PLEKHA6: variants seen among roughly 807,000 people sequenced by gnomAD.
PLEKHA6 encodes the protein pleckstrin homology domain containing A6.
Under a neutral mutation model 116.7 loss-of-function variants are expected in PLEKHA6, and 60 were observed. That is an observed-to-expected ratio of 0.51 (90% CI 0.42 to 0.64). The LOEUF (loss-of-function observed/expected upper bound fraction) is 0.64, where lower values mean the gene tolerates loss of function less well. Ranked by LOEUF, PLEKHA6 falls within the 30% of genes least tolerant of loss-of-function variation. The pLI, the probability that PLEKHA6 is intolerant of heterozygous loss-of-function variation, is 0.00. For synonymous variants in PLEKHA6, 489 were observed against 556.1 expected, an observed-to-expected ratio of 0.88 and a Z score of 1.70; for missense variants, 1,338 against 1,422.7, an observed-to-expected ratio of 0.94 and a Z score of 0.96.
intron 1 of PLEKHA6, among the ~76,000 whole-genome samples, chr1:204,354,875 G>A (rs1467589290): frequency 2.0e-5 from 3 of 152,264 alleles, no homozygotes. Context: ...CGGCCGTGCA[G>A]GGGCGCGGAC....
At chr1:204,311,670 C>G (rs1572163514) in intron 1 of PLEKHA6, 3 of 973,026 alleles carry the variant, frequency 3.1e-6, no homozygotes, top group South Asian at 4.8e-5. Flanking sequence ...ATCATCAACT[C>G]TTTGGAACTG....
In PLEKHA6 at chr1:204,259,543, G is replaced by A. The variant is rs759451950; in HGVS notation, c.722C>T (p.Ala241Val). 1 of 1,614,092 alleles carries A rather than the reference G, an allele frequency of 6.2e-7. No individual in the cohort carries two copies. The highest frequency in any genetic ancestry group is 2.2e-5 in the East Asian group (1 of 44,874). ...CGGCTCTGAGGCTGGCTCCGGTCCAGCTGGGAGGCCATTGGCTTTCACCGG... is the reference window on the plus strand; with the variant it reads ...CGGCTCTGAGGCTGGCTCCGGTCCAACTGGGAGGCCATTGGCTTTCACCGG... ...EPPVKANGLP[A>V]GPEPASEPGS... The change falls in exon 8 of 23, where the codon GCT becomes GTT. Residue 241 changes from alanine (A) to valine (V), a missense_variant. Coordinates refer to ENST00000272203, the MANE Select transcript of PLEKHA6 (RefSeq NM_014935.5). This position sits in a 1 kb window ranked among gnomAD's most constrained non-coding sequence, Gnocchi z 4.6.
At chr1:204,326,941 G>T (rs993662047) in intron 1 of PLEKHA6, 10 of 981,360 alleles carry the variant, frequency 1.0e-5, no homozygotes, top group African/African-American at 1.8e-5. Context: ...TGGGGCCTCC[G>T]CACTTAGGCA....
chr1:204,294,882 T>C (rs1489083621), intron 1 of PLEKHA6, among the ~76,000 whole-genome samples: 1 of 152,260 alleles, frequency 6.6e-6, no homozygotes, highest in African/African-American at 2.4e-5. Context: ...TAATCATTAT[T>C]ATCTGTCTGC....
intron 1 of PLEKHA6, among the ~76,000 whole-genome samples, chr1:204,294,490 G>T (rs554341872): frequency 6.6e-6 from 1 of 152,236 alleles, no homozygotes; most frequent in Non-Finnish European, 1.5e-5. Flanking sequence ...GGAAGTGAGA[G>T]AACTGGGATT....
chr1:204,292,510 GTGTCCCTCACCCTGGCTGACGCCCACCTA>G (rs1400454919), intron 1 of PLEKHA6, among the ~76,000 whole-genome samples: 1 of 150,702 alleles, frequency 6.6e-6, no homozygotes, highest in African/African-American at 2.5e-5. Context: ...ATACCCACCT[GTGTCCCTCACCCTGGCTGACGCCCACCTA>G]TGTCCCTCAC....
intron 1 of PLEKHA6, among the ~76,000 whole-genome samples, chr1:204,306,486 G>A (rs1475473661): frequency 1.3e-5 from 2 of 152,180 alleles, no homozygotes; most frequent in East Asian, 3.8e-4. Context: ...CAAGGCTTTG[G>A]CCTCCATCCT....
At position 204,261,626 on chromosome 1, in the gene PLEKHA6, A is replaced by C; in HGVS notation, c.382-178T>G. On this transcript the variant is annotated intron_variant, in intron 6 of 22. Transcript: ENST00000272203. The surrounding 1 kb of genome is among the most constrained non-coding windows in gnomAD (Gnocchi z 4.0). ...AAGGTGAAGAGGGCAGCTTGCAGCT[A>C]CCCCGAGGGTTCCAGCTGGTACCCA... The C allele has an allele frequency of 1.5e-6, 1 of 659,426 alleles. No homozygotes were observed. Among genetic ancestry groups the C allele is most frequent in the Middle Eastern group, 4.3e-4 (1 of 2,336 alleles). The allele number at this position is 659,426 out of a possible 1,614,324, so 40.8% of individuals were successfully genotyped here.
chr1:204,269,202 T>G (rs1015172281), intron 3 of PLEKHA6, among the ~76,000 whole-genome samples: 17 of 151,320 alleles, frequency 1.1e-4, no homozygotes, highest in African/African-American at 4.1e-4. Flanking sequence ...CACCAGCTTT[T>G]CTACTCCATT....
At chr1:204,245,964 G>A (rs115320129) in intron 13 of PLEKHA6, among the ~76,000 whole-genome samples, 2,796 of 152,214 alleles carry the variant, frequency 0.018, 90 homozygotes, top group African/African-American at 0.064. Context: ...CCGAGTTTCT[G>A]AACCAAGACT....
chr1:204,300,460 G>A (rs1451313728), intron 1 of PLEKHA6, among the ~76,000 whole-genome samples: 3 of 152,172 alleles, frequency 2.0e-5, no homozygotes, highest in African/African-American at 2.4e-5. Flanking sequence ...TCATAGCCCC[G>A]ACAAAGCCAG....
At chr1:204,241,062 C>T (rs1393689729) in intron 17 of PLEKHA6, among the ~76,000 whole-genome samples, 1 of 152,118 alleles carries the variant, frequency 6.6e-6, no homozygotes, top group Non-Finnish European at 1.5e-5. Flanking sequence ...TTGTAGACAG[C>T]CTATTGTGGG....
At chr1:204,350,969 C>G (rs770358060) in intron 1 of PLEKHA6, among the ~76,000 whole-genome samples, 9 of 152,234 alleles carry the variant, frequency 5.9e-5, no homozygotes, top group Non-Finnish European at 1.5e-5. Flanking sequence ...CCTTGTCCAG[C>G]CCTTGTCCTT....
intron 1 of PLEKHA6, among the ~76,000 whole-genome samples, chr1:204,281,289 G>T (rs144902735): frequency 8.1e-4 from 124 of 152,270 alleles, no homozygotes; most frequent in Admixed American, 5.6e-3. Flanking sequence ...ACTTTGGGAG[G>T]CAGAGGCGGG....
At chr1:204,340,390 C>T (rs971386136) in intron 1 of PLEKHA6, among the ~76,000 whole-genome samples, 6 of 152,170 alleles carry the variant, frequency 3.9e-5, no homozygotes, top group African/African-American at 1.4e-4. Flanking sequence ...TAAATGTTCA[C>T]CCGCATTAGA....
At chr1:204,337,724 G>C (rs1287805749) in intron 1 of PLEKHA6, among the ~76,000 whole-genome samples, 1 of 151,710 alleles carries the variant, frequency 6.6e-6, no homozygotes, top group Non-Finnish European at 1.5e-5. Context: ...CTTGGGGGGG[G>C]AATCCAGGGA....
At chr1:204,243,911 C>T (rs1238777627) in intron 15 of PLEKHA6, among the ~76,000 whole-genome samples, 2 of 152,158 alleles carry the variant, frequency 1.3e-5, no homozygotes, top group Non-Finnish European at 2.9e-5. Flanking sequence ...AGCTCCGCCT[C>T]ATGGGTTCAC....
At chr1:204,375,462 C>T (rs888945819) in intron 1 of PLEKHA6, among the ~76,000 whole-genome samples, 9 of 152,112 alleles carry the variant, frequency 5.9e-5, no homozygotes, top group Non-Finnish European at 1.2e-4. Context: ...AAGAATATTC[C>T]TGATTTGGTT....
At chr1:204,306,496 T>C (rs1671321012) in intron 1 of PLEKHA6, among the ~76,000 whole-genome samples, 1 of 152,238 alleles carries the variant, frequency 6.6e-6, no homozygotes. Context: ...GCCTCCATCC[T>C]GCCCAATTCT....
Sources: allele counts gnomAD v4.1 joint callset (sites outside exome capture counted in the v4.1 genomes callset), GRCh38; gene constraint gnomAD v4.1.1; non-coding constraint Gnocchi (gnomAD v3.1); transcripts MANE v1.5; gene names NCBI Gene and HGNC (gene_info 2026-07-23, HGNC 2026-07-21).